HSD17B3: variants seen among roughly 807,000 people sequenced by gnomAD.
HSD17B3 encodes hydroxysteroid 17-beta dehydrogenase 3.
Under a neutral mutation model 41.1 loss-of-function variants are expected in HSD17B3, and 29 were observed. That is an observed-to-expected ratio of 0.71 (90% CI 0.53 to 0.96). The LOEUF (loss-of-function observed/expected upper bound fraction) is 0.96, where lower values mean the gene tolerates loss of function less well. Ranked by LOEUF, HSD17B3 falls within the 40% of genes least tolerant of loss-of-function variation. HSD17B3 has a pLI of 0.00. For missense variants in HSD17B3, 323 were observed against 374.6 expected (o/e 0.86, Z 1.14); for synonymous variants, 126 against 145.6 (o/e 0.87, Z 0.97).
intron 10 of HSD17B3, among the ~76,000 whole-genome samples, chr9:96,240,109 A>G (rs1836376792): frequency 6.6e-6 from 1 of 152,176 alleles, no homozygotes; most frequent in Admixed American, 6.5e-5. Flanking sequence ...CATTAGGACA[A>G]ATACCTAGTG....
intron 1 of HSD17B3, among the ~76,000 whole-genome samples, chr9:96,298,728 CT>C (rs1827461472): frequency 6.6e-6 from 1 of 152,100 alleles, no homozygotes; most frequent in Non-Finnish European, 1.5e-5. Flanking sequence ...ATTGGCGAGA[CT>C]GTGGAAAACA....
chr9:96,243,462 T>C (rs925047113), intron 9 of HSD17B3, among the ~76,000 whole-genome samples: 34 of 152,222 alleles, frequency 2.2e-4, no homozygotes, highest in African/African-American at 7.2e-4. Context: ...CTGGTTAGTT[T>C]ATAGGAACAG....
intron 2 of HSD17B3, among the ~76,000 whole-genome samples, chr9:96,270,817 A>G (rs939342281): frequency 2.6e-5 from 4 of 152,246 alleles, no homozygotes; most frequent in African/African-American, 9.6e-5. Context: ...CTAAGCTTTC[A>G]TCTTGTATTT....
intron 5 of HSD17B3, chr9:96,250,272 GAC>G (rs1171820929): frequency 1.4e-5 from 15 of 1,094,966 alleles, no homozygotes; most frequent in Non-Finnish European, 1.2e-5. Flanking sequence ...CACAAACACA[GAC>G]ACACACAGGC....
chr9:96,277,209 A>G (rs1826497989), intron 2 of HSD17B3, among the ~76,000 whole-genome samples: 1 of 151,086 alleles, frequency 6.6e-6, no homozygotes, highest in South Asian at 2.1e-4. Context: ...TCAAAAAAAA[A>G]AGAAAGAAAA....
chr9:96,236,969 C>T (rs1157148091), intron 10 of HSD17B3, among the ~76,000 whole-genome samples: 1 of 152,168 alleles, frequency 6.6e-6, no homozygotes, highest in Non-Finnish European at 1.5e-5. Context: ...AGCTCAGATC[C>T]TCAGATCTCT....
intron 1 of HSD17B3, among the ~76,000 whole-genome samples, chr9:96,301,338 G>A (rs1827592442): frequency 6.7e-6 from 1 of 148,364 alleles, no homozygotes; most frequent in Admixed American, 6.7e-5. Context: ...CAGCCGTTGG[G>A]GAGGCCGAGT....
chr9:96,272,373 A>ATCTCTCTCTCTC (rs373017603), intron 2 of HSD17B3, among the ~76,000 whole-genome samples: 88 of 4,408 alleles, frequency 0.02, 30 homozygotes, highest in Non-Finnish European at 0.033. Context: ...GTAAGACTGC[A>ATCTCTCTCTCTC]TCTCTCTCTC....
intron 6 of HSD17B3, among the ~76,000 whole-genome samples, chr9:96,249,002 T>C (rs1836786566): frequency 1.3e-5 from 2 of 152,030 alleles, no homozygotes; most frequent in Middle Eastern, 3.4e-3. Context: ...GCCTGCCTGG[T>C]TCAGGCGATT....
intron 2 of HSD17B3, among the ~76,000 whole-genome samples, chr9:96,295,821 A>G (rs144886901): frequency 1.1e-3 from 160 of 152,236 alleles, no homozygotes; most frequent in African/African-American, 2.8e-3. Flanking sequence ...TATGAACCGA[A>G]TGTTTTGTGG....
At chr9:96,274,383 T>C (rs1345960100) in intron 2 of HSD17B3, among the ~76,000 whole-genome samples, 1 of 151,992 alleles carries the variant, frequency 6.6e-6, no homozygotes, top group African/African-American at 2.4e-5. Flanking sequence ...ATCACTTGAA[T>C]CCGGGAGGCA....
intron 1 of HSD17B3, among the ~76,000 whole-genome samples, chr9:96,301,552 A>T (rs944600611): frequency 7.3e-5 from 11 of 151,354 alleles, no homozygotes; most frequent in Non-Finnish European, 1.2e-4. Context: ...CTCTACTAAA[A>T]TACAAAAAAT....
chr9:96,299,219 GCAA>G (rs1827481131), intron 1 of HSD17B3, among the ~76,000 whole-genome samples: 2 of 152,162 alleles, frequency 1.3e-5, no homozygotes, highest in African/African-American at 4.8e-5. Flanking sequence ...ATTTACCCTT[GCAA>G]CAACAATTAA....
At chr9:96,244,268 G>A (rs1008699989) in intron 9 of HSD17B3, 61 bp downstream of exon 9, 10 of 1,538,806 alleles carry the variant, frequency 6.5e-6, no homozygotes, top group African/African-American at 1.4e-5. Context: ...CCCTTCTCAA[G>A]GACTCACAGC....
chr9:96,244,988 C>T (rs944348857), intron 8 of HSD17B3, among the ~76,000 whole-genome samples: 1 of 152,088 alleles, frequency 6.6e-6, no homozygotes, highest in African/African-American at 2.4e-5. Context: ...AGCGCCCCCT[C>T]CTCCTCAGGC....
intron 2 of HSD17B3, among the ~76,000 whole-genome samples, chr9:96,293,927 A>G (rs11788083): frequency 0.17 from 25,357 of 152,066 alleles, 2,459 homozygotes; most frequent in Admixed American, 0.3. Flanking sequence ...TGAGCCTTGG[A>G]GGGAGGCTTT....
chr9:96,297,843 T>C (rs1342196846), intron 2 of HSD17B3, among the ~76,000 whole-genome samples: 1 of 152,214 alleles, frequency 6.6e-6, no homozygotes, highest in Non-Finnish European at 1.5e-5. Flanking sequence ...AAACCACATA[T>C]GTTATAAATG....
chr9:96,264,489 G>A (rs1243538910), intron 2 of HSD17B3, among the ~76,000 whole-genome samples: 1 of 152,190 alleles, frequency 6.6e-6, no homozygotes, highest in Non-Finnish European at 1.5e-5. Flanking sequence ...ATTAGAGTAT[G>A]ACTCCAGGGT....
chr9:96,272,440 TATATATAA>T (rs1340986520), intron 2 of HSD17B3, among the ~76,000 whole-genome samples: 2 of 98,982 alleles, frequency 2.0e-5, no homozygotes, highest in African/African-American at 3.7e-5. Flanking sequence ...TATATATATA[TATATATAA>T]AATATATATG....
Sources: gnomAD v4.1 joint callset for allele counts (sites outside exome capture counted in the v4.1 genomes callset) on GRCh38, gnomAD v4.1.1 for gene constraint, MANE v1.5 for transcripts, NCBI Gene and HGNC (gene_info 2026-07-23, HGNC 2026-07-21) for gene names.